Variants in PHF21B observed in about 807,000 individuals in gnomAD.
PHF21B encodes PHD finger protein 21B, also known as PHD finger protein 4.
A neutral mutation model predicts 62.2 loss-of-function variants in PHF21B; 22 were observed. The ratio of observed to expected loss-of-function variants is 0.35; its 90% CI spans 0.25 to 0.51. The LOEUF is 0.51. PHF21B is among the 20% of genes least tolerant of loss of function. The probability of loss-of-function intolerance (pLI) is 0.97; values close to 1 mark genes in which losing one functional copy is unlikely to be tolerated. For synonymous variants in PHF21B, 341 were observed against 314.7 expected, an observed-to-expected ratio of 1.08 and a Z score of -0.88; for missense variants, 701 against 707.9, an observed-to-expected ratio of 0.99 and a Z score of 0.11.
intron 3 of PHF21B, 92 bp from the exon 4 acceptor site, chr22:44,916,722 A>AG: frequency 8.7e-7 from 1 of 1,150,578 alleles, no homozygotes; most frequent in Non-Finnish European, 1.3e-6. Flanking sequence ...CCTATATTCA[A>AG]GGGGAAGGGG....
intron 2 of PHF21B, among the ~76,000 whole-genome samples, chr22:44,928,367 C>A (rs1471712795): frequency 6.6e-6 from 1 of 152,174 alleles, no homozygotes; most frequent in Non-Finnish European, 1.5e-5. Flanking sequence ...GTCTCTTCTG[C>A]CTCTTTCCAT....
intron 2 of PHF21B, among the ~76,000 whole-genome samples, chr22:44,934,822 C>T (rs2071812443): frequency 6.6e-6 from 1 of 152,204 alleles, no homozygotes; most frequent in Admixed American, 6.5e-5. Flanking sequence ...TCGCCTGTCC[C>T]TGTCTGGTCC....
intron 2 of PHF21B, among the ~76,000 whole-genome samples, chr22:44,972,626 C>T (rs1253152030): frequency 2.0e-5 from 3 of 152,232 alleles, no homozygotes; most frequent in Admixed American, 1.3e-4. Context: ...TCATGTACGT[C>T]GGCTCAGGGT....
rs5766193 is a variant in PHF21B, at chr22:44,921,370, T to C, written c.121-880A>G. Among the ~76,000 whole-genome samples the C allele has an allele frequency of 9.5e-3, 1,309 of 137,438 alleles. 7 individuals are homozygous for C. Among genetic ancestry groups the C allele is most frequent in the Admixed American group, 0.013 (180 of 13,956 alleles). 90.2% of individuals were successfully genotyped at this position (137,438 alleles called of 152,430 possible). A position where few individuals can be genotyped will look rare whatever the true frequency, so the allele number is the denominator to read the frequency against. ...GAACCGGAACAGTTCTTTTTTTTTT[T>C]CTTTTTTTTTTTCTTGAGACGGAGT... On this transcript the variant is annotated intron_variant, in intron 2 of 12. Transcript: ENST00000313237.
chr22:44,968,963 A>AAG (rs2072584981), intron 2 of PHF21B: 1 of 152,180 alleles, frequency 6.6e-6, no homozygotes, highest in African/African-American at 2.4e-5. Context: ...GCTTTGACAT[A>AAG]AGAGTCCCAT....
intron 2 of PHF21B, 122 bp from the exon 3 acceptor site, chr22:44,920,612 CTTAA>C (rs750316243): frequency 1.3e-5 from 7 of 518,670 alleles, no homozygotes. Flanking sequence ...TCTTCCCTTT[CTTAA>C]TTATGATTTT....
rs753737963 is a variant in PHF21B at position 44,916,252 on chromosome 22, T to C, written c.564+28A>G. On this transcript the variant is annotated intron_variant, in intron 4 of 12. Transcript: ENST00000313237. The stretch of plus-strand genomic sequence containing the variant: ...GCCTCCTGTATGCGGCCGCACACCC[T>C]TTCCGGAGCCTGCTGGTGGGCACTC... 14 of 1,598,186 alleles carry C rather than the reference T, an allele frequency of 8.8e-6. No individual in the cohort carries two copies. The Middle Eastern group carries it at 1.2e-3, about 133-fold the overall frequency.
chr22:44,999,837 G>A (rs2073182730), intron 2 of PHF21B, among the ~76,000 whole-genome samples: 2 of 151,990 alleles, frequency 1.3e-5, no homozygotes, highest in Non-Finnish European at 2.9e-5. Flanking sequence ...AGAACCAGAA[G>A]GCACCTGCTC....
chr22:44,927,160 A>G (rs1170882460), intron 2 of PHF21B, among the ~76,000 whole-genome samples: 1 of 152,060 alleles, frequency 6.6e-6, no homozygotes, highest in Non-Finnish European at 1.5e-5. Context: ...AGGAGATGAC[A>G]GGAAGAGCTA....
At chr22:44,925,702 G>A (rs2071615846) in intron 2 of PHF21B, among the ~76,000 whole-genome samples, 3 of 152,222 alleles carry the variant, frequency 2.0e-5, no homozygotes, top group Admixed American at 6.5e-5. Context: ...CTGGCGGGCA[G>A]CACTGAGACC....
intron 10 of PHF21B, among the ~76,000 whole-genome samples, chr22:44,886,658 G>GC (rs1161368342): frequency 6.6e-6 from 1 of 151,670 alleles, no homozygotes; most frequent in Non-Finnish European, 1.5e-5. Context: ...CTGCACTCTA[G>GC]CCTGTGAAAC....
chr22:45,006,164 G>GC (rs1224739348), intron 2 of PHF21B, among the ~76,000 whole-genome samples: 1 of 152,126 alleles, frequency 6.6e-6, no homozygotes, highest in Non-Finnish European at 1.5e-5. Flanking sequence ...CACGGCCGCA[G>GC]CCCCCTCCCC....
chr22:44,928,062 G>A (rs2071667628), intron 2 of PHF21B, among the ~76,000 whole-genome samples: 1 of 152,166 alleles, frequency 6.6e-6, no homozygotes, highest in Non-Finnish European at 1.5e-5. Flanking sequence ...CAGGGCAAAA[G>A]CCACATGTGG....
Position 44,903,710 on chromosome 22 carries a change from T to C in PHF21B, c.832-7627A>G, listed in dbSNP as rs556213154. On this transcript the variant is annotated intron_variant, in intron 5 of 12. Transcript: ENST00000313237. ...ATTGCACAATTACTTTTGCACCAAA[T>C]GCATATCCCAAACGATGTTGCTATG... is the stretch of plus-strand genomic sequence containing the variant. Among the ~76,000 whole-genome samples the C allele has an allele frequency of 3.3e-5, 5 of 152,390 alleles. No homozygotes were observed. The East Asian group carries it at 9.6e-4, about 29-fold the overall frequency.
chr22:44,909,382 A>C (rs1253665283), intron 5 of PHF21B, among the ~76,000 whole-genome samples: 1 of 152,222 alleles, frequency 6.6e-6, no homozygotes, highest in Non-Finnish European at 1.5e-5. Context: ...CAGCCGAGCC[A>C]GGGCCTCACA....
At chr22:44,981,411 T>C (rs2072840003) in intron 2 of PHF21B, among the ~76,000 whole-genome samples, 1 of 152,216 alleles carries the variant, frequency 6.6e-6, no homozygotes, top group Non-Finnish European at 1.5e-5. Context: ...TACTGATCTG[T>C]CTGCAGATCT....
At chr22:44,904,506 G>GTTGGCAGTGACTTTCC (rs1555934863) in intron 5 of PHF21B, among the ~76,000 whole-genome samples, 3 of 143,216 alleles carry the variant, frequency 2.1e-5, no homozygotes, top group South Asian at 2.3e-4. Flanking sequence ...ACTTAACTGA[G>GTTGGCAGTGACTTTCC]CTTCCAGAAG....
chr22:44,996,683 C>T (rs2073127787), intron 2 of PHF21B, among the ~76,000 whole-genome samples: 1 of 152,098 alleles, frequency 6.6e-6, no homozygotes, highest in Non-Finnish European at 1.5e-5. Flanking sequence ...CACAAACACA[C>T]ACACGCATAC....
intron 2 of PHF21B, among the ~76,000 whole-genome samples, chr22:44,934,953 A>G (rs1193163047): frequency 6.6e-6 from 1 of 152,154 alleles, no homozygotes; most frequent in African/African-American, 2.4e-5. Flanking sequence ...TGGGAAGAGA[A>G]GACATGTGGC....
Sources: allele counts gnomAD v4.1 joint callset (sites outside exome capture counted in the v4.1 genomes callset), GRCh38; gene constraint gnomAD v4.1.1; transcripts MANE v1.5; gene names NCBI Gene and HGNC (gene_info 2026-07-23, HGNC 2026-07-21).